The following TNRC6C variants were observed in gnomAD, a reference collection of about 807,000 sequenced individuals.
TNRC6C encodes trinucleotide repeat containing adaptor 6C.
Under a neutral mutation model 153.7 loss-of-function variants are expected in TNRC6C, and 20 were observed. The ratio of observed to expected loss-of-function variants is 0.13; its 90% confidence interval spans 0.09 to 0.19. The LOEUF (loss-of-function observed/expected upper bound fraction) is 0.19. Ranked by LOEUF, TNRC6C falls within the 10% of genes least tolerant of loss-of-function variation. The probability of loss-of-function intolerance (pLI) is 1.00; values close to 1 mark genes in which losing one functional copy is unlikely to be tolerated. For synonymous variants in TNRC6C, 811 were observed against 841.4 expected, an observed-to-expected ratio of 0.96 and a Z score of 0.63; for missense variants, 1,987 against 2,172.0, an observed-to-expected ratio of 0.91 and a Z score of 1.69.
intron 17 of TNRC6C, 91 bp downstream of exon 20, chr17:78,098,628 CCT>C: frequency 7.1e-7 from 1 of 1,406,120 alleles, no homozygotes; most frequent in Non-Finnish European, 9.5e-7. Flanking sequence ...TGTAAGGACC[CCT>C]GCCTGTAACT....
intron 5 of TNRC6C, among the ~76,000 whole-genome samples, chr17:78,069,476 T>A (rs1429335744): frequency 6.6e-6 from 1 of 152,196 alleles, no homozygotes; most frequent in Non-Finnish European, 1.5e-5. Context: ...CTTGAACTCC[T>A]GGGCTCGAAT....
intron 10 of TNRC6C, among the ~76,000 whole-genome samples, chr17:78,081,532 G>T (rs1295664063): frequency 6.6e-6 from 1 of 152,078 alleles, no homozygotes; most frequent in Non-Finnish European, 1.5e-5. Context: ...TAACAAAGAG[G>T]CCTCAAAAAA....
intron 11 of TNRC6C, among the ~76,000 whole-genome samples, 156 bp from the exon 14 acceptor site, chr17:78,086,347 A>AAC (rs1567959790): frequency 7.2e-6 from 1 of 138,118 alleles, no homozygotes; most frequent in East Asian, 2.2e-4. Flanking sequence ...AAAAAAAAAA[A>AAC]AAAAAAAAAA....
At chr17:78,045,513 C>A (rs543500632) in intron 2 of TNRC6C, among the ~76,000 whole-genome samples, 21 of 152,252 alleles carry the variant, frequency 1.4e-4, no homozygotes, top group African/African-American at 4.6e-4. Context: ...GAAGTGGTTC[C>A]CTCAGAAGAT....
intron 1 of TNRC6C, among the ~76,000 whole-genome samples, chr17:77,979,923 G>A (rs1245320398): frequency 6.6e-6 from 1 of 152,142 alleles, no homozygotes; most frequent in African/African-American, 2.4e-5. Context: ...TATCTTCAAA[G>A]TGTTGTAAGA....
upstream of TNRC6C, among the ~76,000 whole-genome samples, chr17:78,000,334 T>G (rs2071391295): frequency 6.6e-6 from 1 of 152,238 alleles, no homozygotes; most frequent in Admixed American, 6.5e-5. Flanking sequence ...TGCTCAAGGC[T>G]GAGACTATTT....
At chr17:77,966,945 C>T (rs1316152956) in intron 1 of TNRC6C, among the ~76,000 whole-genome samples, 1 of 152,084 alleles carries the variant, frequency 6.6e-6, no homozygotes. Flanking sequence ...AATAGAATAG[C>T]AGCATTAGTA....
chr17:77,969,316 C>T (rs1435343574), intron 1 of TNRC6C, among the ~76,000 whole-genome samples: 1 of 151,752 alleles, frequency 6.6e-6, no homozygotes, highest in Non-Finnish European at 1.5e-5. Flanking sequence ...GTGGCGCAAT[C>T]TCGGCTCACT....
At chr17:77,979,994 A>C (rs1419341098) in intron 1 of TNRC6C, among the ~76,000 whole-genome samples, 2 of 152,134 alleles carry the variant, frequency 1.3e-5, no homozygotes, top group African/African-American at 4.8e-5. Flanking sequence ...ATGAAGTGAG[A>C]ATATAGACAT....
chr17:78,009,776 A>G (rs1217135310), intron 1 of TNRC6C, among the ~76,000 whole-genome samples: 1 of 152,154 alleles, frequency 6.6e-6, no homozygotes, highest in East Asian at 1.9e-4. Flanking sequence ...GATAGTCTTA[A>G]TCTCCTGACC....
At chr17:78,006,592 C>T (rs2071517368) in intron 1 of TNRC6C, among the ~76,000 whole-genome samples, 1 of 141,034 alleles carries the variant, frequency 7.1e-6, no homozygotes. Context: ...CTTCCTTCTT[C>T]CTTCTTCCTC....
chr17:78,086,688 C>T, intron 12 of TNRC6C, 102 bp downstream of exon 14: 1 of 1,556,344 alleles, frequency 6.4e-7, no homozygotes, highest in East Asian at 2.3e-5. Flanking sequence ...TTTTCTCTAG[C>T]CAAGCCTTCC....
Position 78,075,147 on chromosome 17 carries a change from G to A in TNRC6C, c.2929G>A (p.Glu977Lys). Reference sequence around the variant, plus strand: ...TTGTTGTGCTCCAGGCGCTCTGCTGGAAAAGAAGGTGGACGTGGACAAGCG... The same window carrying A: ...TTGTTGTGCTCCAGGCGCTCTGCTGAAAAAGAAGGTGGACGTGGACAAGCG... The change falls in exon 8 of 20, where the codon GAA (glutamate) becomes AAA (lysine). Residue 977 changes from glutamate to lysine, a missense_variant. Glu to Lys is a moderately conservative substitution (Grantham distance 56). Transcript: ENST00000301624. The surrounding 1 kb of genome is among the most constrained non-coding windows in gnomAD (Gnocchi z 4.2). The A allele has an allele frequency of 6.2e-7, 1 of 1,613,508 alleles. No homozygotes were observed. The highest frequency in any genetic ancestry group is 8.5e-7 in the Non-Finnish European group (1 of 1,179,694).
intron 5 of TNRC6C, among the ~76,000 whole-genome samples, chr17:78,069,158 A>T (rs1487402864): frequency 6.6e-6 from 1 of 152,186 alleles, no homozygotes; most frequent in South Asian, 2.1e-4. Context: ...TTTATAACTC[A>T]TATCATAGAG....
rs1372366106 is a variant in TNRC6C, at chr17:78,098,250, G to A, written c.4307-93G>A. The A allele has an allele frequency of 1.1e-5, 14 of 1,253,506 alleles. No homozygotes were observed. In the East Asian group the frequency reaches 2.1e-4, roughly 18 times the overall value. The allele number at this position is 1,253,506 out of a possible 1,614,324, so 77.6% of individuals were successfully genotyped here. On this transcript the variant is annotated intron_variant, in intron 16 of 19. Coordinates refer to ENST00000301624, the Ensembl canonical transcript of TNRC6C. Reference sequence around the variant, plus strand: ...TTTGCCTATCACACAGTCTGCTGGTGTTAGAGAGCACTCTGTGTGGCTCCC... The same window carrying A: ...TTTGCCTATCACACAGTCTGCTGGTATTAGAGAGCACTCTGTGTGGCTCCC...
At chr17:78,069,472 C>T (rs1040481706) in intron 5 of TNRC6C, among the ~76,000 whole-genome samples, 1 of 152,162 alleles carries the variant, frequency 6.6e-6, no homozygotes, top group African/African-American at 2.4e-5. Context: ...CAACCTTGAA[C>T]TCCTGGGCTC....
intron 1 of TNRC6C, among the ~76,000 whole-genome samples, chr17:78,014,808 A>G (rs141594376): frequency 3.3e-5 from 5 of 151,926 alleles, no homozygotes; most frequent in African/African-American, 4.8e-5. Flanking sequence ...CCACGGTGAT[A>G]GATCAGCCAG....
intron 3 of TNRC6C, among the ~76,000 whole-genome samples, chr17:78,064,076 C>T (rs1402512795): frequency 6.6e-6 from 1 of 152,128 alleles, no homozygotes; most frequent in South Asian, 2.1e-4. Flanking sequence ...CAGATTCTTG[C>T]TCTGTCGCCC....
At chr17:78,047,050 C>T (rs1371847930) in intron 2 of TNRC6C, among the ~76,000 whole-genome samples, 2 of 152,028 alleles carry the variant, frequency 1.3e-5, no homozygotes, top group African/African-American at 2.4e-5. Context: ...CCTGCTTTCT[C>T]GGTGTGGGTT....
Sources: gnomAD v4.1 joint callset for allele counts (sites outside exome capture counted in the v4.1 genomes callset) on GRCh38, gnomAD v4.1.1 for gene constraint, Gnocchi (gnomAD v3.1) non-coding constraint, MANE v1.5 for transcripts, NCBI Gene and HGNC (gene_info 2026-07-23, HGNC 2026-07-21) for gene names.